Variants in OGFRL1 observed in about 807,000 individuals in gnomAD.
The protein encoded by OGFRL1 is opioid growth factor receptor-like protein 1.
In OGFRL1, 26 loss-of-function variants were observed where a neutral mutation model predicts 32.4. The ratio of observed to expected loss-of-function variants is 0.80; its 90% confidence interval spans 0.59 to 1.11. OGFRL1 has a LOEUF of 1.11. Ranked by LOEUF, OGFRL1 falls within the 50% of genes most tolerant of loss-of-function variation. The probability of loss-of-function intolerance (pLI) is 0.00; values close to 1 mark genes in which losing one functional copy is unlikely to be tolerated. For missense variants in OGFRL1, 521 were observed against 546.4 expected (o/e 0.95, Z 0.46); for synonymous variants, 211 against 201.2 (o/e 1.05, Z -0.41).
chr6:71,299,236 G>A (rs1766309262), intron 6 of OGFRL1, among the ~76,000 whole-genome samples: 1 of 152,070 alleles, frequency 6.6e-6, no homozygotes, highest in Non-Finnish European at 1.5e-5. Context: ...CTTAACCTCT[G>A]TCTGGAACCT....
chr6:71,290,387 A>G (rs1456652733), intron 1 of OGFRL1, among the ~76,000 whole-genome samples: 2 of 152,192 alleles, frequency 1.3e-5, no homozygotes, highest in South Asian at 2.1e-4. Flanking sequence ...AAATTATTAG[A>G]TGCTGCATTC....
intron 3 of OGFRL1, among the ~76,000 whole-genome samples, chr6:71,294,709 A>G (rs1197583446): frequency 6.6e-6 from 1 of 152,214 alleles, no homozygotes; most frequent in Non-Finnish European, 1.5e-5. Context: ...AGTTATATTT[A>G]CTAATGATAG....
At chr6:71,299,024 T>C (rs1766303116) in intron 6 of OGFRL1, among the ~76,000 whole-genome samples, 1 of 152,134 alleles carries the variant, frequency 6.6e-6, no homozygotes, top group Non-Finnish European at 1.5e-5. Context: ...AGGCAAAATA[T>C]TTTCAGACAT....
At chr6:71,291,984 G>A (rs1318491149) in intron 1 of OGFRL1, 1 of 152,124 alleles carries the variant, frequency 6.6e-6, no homozygotes, top group Non-Finnish European at 1.5e-5. Flanking sequence ...CTGATATCTT[G>A]TTTCTAAGAT....
rs1442347981 is a variant in OGFRL1 at position 71,306,846 on chromosome 6, T to G, written c.*4797T>G. On this transcript the variant is annotated 3_prime_UTR_variant, in exon 7 of 7. Transcript: ENST00000370435. ...TTTATGTTTTGCTTCTTCTTAGATG[T>G]AGGCGGATGCAGAAATAGAATTATG... 6.6e-6 allele frequency: 1 copy of G among 152,238 alleles called. No individual in the cohort carries two copies. The highest frequency in any genetic ancestry group is 1.5e-5 in the Non-Finnish European group (1 of 68,032). 9.4% of individuals were successfully genotyped at this position (152,238 alleles called of 1,614,324 possible). A position where few individuals can be genotyped will look rare whatever the true frequency, so the allele number is the denominator to read the frequency against.
chr6:71,298,618 T>C (rs1766287757), intron 6 of OGFRL1, among the ~76,000 whole-genome samples: 1 of 152,180 alleles, frequency 6.6e-6, no homozygotes, highest in African/African-American at 2.4e-5. Context: ...GAAGGGAGCC[T>C]GAACTAAGTC....
At chr6:71,292,562 C>G in intron 1 of OGFRL1, among the ~76,000 whole-genome samples, 1 of 152,268 alleles carries the variant, frequency 6.6e-6, no homozygotes, top group East Asian at 1.9e-4. Context: ...AAAATCAGTT[C>G]ATGGTGATAG....
At chr6:71,292,198 A>T (rs1250202121) in intron 1 of OGFRL1, among the ~76,000 whole-genome samples, 4 of 152,236 alleles carry the variant, frequency 2.6e-5, no homozygotes, top group African/African-American at 9.6e-5. Flanking sequence ...AGGCAGAGCT[A>T]TTTTGAAACG....
At position 71,307,755 on chromosome 6, in the gene OGFRL1, A is replaced by G. The variant is rs1488376150; in HGVS notation, c.*5706A>G. 1 of 152,246 alleles carries G rather than the reference A, an allele frequency of 6.6e-6. No homozygotes were observed. The highest frequency in any genetic ancestry group is 2.4e-5 in the African/African-American group (1 of 41,478). 9.4% of individuals were successfully genotyped at this position (152,246 alleles called of 1,614,324 possible). On this transcript the variant is annotated 3_prime_UTR_variant, in exon 7 of 7. Coordinates refer to ENST00000370435, the MANE Select transcript of OGFRL1 (RefSeq NM_024576.5). ...AGTTTTGGTACTAAGAAACATTTAC[A>G]TTCTACACTCATTAGTCAAATGAAC...
In OGFRL1 at chr6:71,288,935, C is replaced by T. The variant is rs1765945764; in HGVS notation, c.-2C>T. 7.3e-7 allele frequency: 1 copy of T among 1,362,770 alleles called. No individual in the cohort carries two copies. Among genetic ancestry groups the T allele is most frequent in the Non-Finnish European group, 9.6e-7 (1 of 1,041,576 alleles). The allele number at this position is 1,362,770 out of a possible 1,614,324, so 84.4% of individuals were successfully genotyped here. ...AGCCCCGCGCCCGCCGCCGCCTCTT[C>T]AATGGGCAACCTGCTCGGCGGGGTC... On this transcript the variant is annotated 5_prime_UTR_variant, in exon 1 of 7. Transcript: ENST00000370435.
At position 71,288,824 on chromosome 6, in the gene OGFRL1, C is replaced by T. The variant is rs889583991; in HGVS notation, c.-113C>T. ...CCGCGCTGAGGCAGTGCGGGGCGGG[C>T]GCGCCTAGGCTGCCGCCCAGCGCCC... On this transcript the variant is annotated 5_prime_UTR_variant, in exon 1 of 7. Coordinates refer to ENST00000370435, the MANE Select transcript of OGFRL1 (RefSeq NM_024576.5). 15 of 740,484 alleles carry T rather than the reference C, an allele frequency of 2.0e-5. No homozygotes were observed. Among genetic ancestry groups the T allele is most frequent in the Non-Finnish European group, 2.2e-5 (13 of 601,468 alleles). 45.9% of individuals were successfully genotyped at this position (740,484 alleles called of 1,614,324 possible).
intron 1 of OGFRL1, among the ~76,000 whole-genome samples, chr6:71,290,718 G>A (rs1249355448): frequency 1.3e-5 from 2 of 152,118 alleles, no homozygotes; most frequent in East Asian, 3.9e-4. Context: ...GGTAATACTG[G>A]AGCTACTTTT....
intron 6 of OGFRL1, 67 bp from the exon 7 acceptor site, chr6:71,301,319 A>C: frequency 7.7e-7 from 1 of 1,301,334 alleles, no homozygotes; most frequent in Non-Finnish European, 1.1e-6. Context: ...TTTTCCCAAT[A>C]GTTTTCATTC....
chr6:71,298,683 G>A (rs1348602372), intron 6 of OGFRL1, among the ~76,000 whole-genome samples: 1 of 152,120 alleles, frequency 6.6e-6, no homozygotes, highest in Admixed American at 6.6e-5. Flanking sequence ...TCAGCATAGA[G>A]CTTTTCCAGC....
intron 1 of OGFRL1, among the ~76,000 whole-genome samples, chr6:71,292,950 C>A (rs923733120): frequency 1.3e-5 from 2 of 152,130 alleles, no homozygotes; most frequent in Non-Finnish European, 2.9e-5. Flanking sequence ...GAATCACTTG[C>A]ATAATCATCT....
Position 71,296,476 on chromosome 6 carries a change from A to AT in OGFRL1, c.480-12dup, listed in dbSNP as rs759871807. On this transcript the variant is annotated intron_variant, in intron 4 of 6. Transcript: ENST00000370435. Reference sequence around the variant, plus strand: ...CAGACAACGTTAATAGAAAAATTTTATTTTTTTAAAATAAATAGGCTTTTC... The same window carrying AT: ...CAGACAACGTTAATAGAAAAATTTTATTTTTTTTAAAATAAATAGGCTTTTC... 6 of 1,596,210 alleles carry AT rather than the reference A, an allele frequency of 3.8e-6. No individual in the cohort carries two copies. Among genetic ancestry groups the AT allele is most frequent in the South Asian group, 1.1e-5 (1 of 88,048 alleles).
At chr6:71,290,272 A>G (rs991714233) in intron 1 of OGFRL1, among the ~76,000 whole-genome samples, 4 of 152,152 alleles carry the variant, frequency 2.6e-5, no homozygotes, top group Admixed American at 6.5e-5. Flanking sequence ...ACCCAAGTCT[A>G]TCTATCACTG....
At chr6:71,297,396 A>G (rs564514547) in intron 6 of OGFRL1, among the ~76,000 whole-genome samples, 7 of 152,276 alleles carry the variant, frequency 4.6e-5, no homozygotes, top group Non-Finnish European at 7.4e-5. Context: ...ACATTTTAAC[A>G]TAGTTTATTT....
chr6:71,296,883 A>G (rs1382597790), intron 6 of OGFRL1, 66 bp downstream of exon 6: 4 of 1,537,070 alleles, frequency 2.6e-6, no homozygotes, highest in African/African-American at 1.4e-5. Flanking sequence ...AGAGTTCTCT[A>G]TGAAACGCAG....
Sources: allele counts gnomAD v4.1 joint callset (sites outside exome capture counted in the v4.1 genomes callset), GRCh38; gene constraint gnomAD v4.1.1; transcripts MANE v1.5; gene names NCBI Gene and HGNC (gene_info 2026-07-23, HGNC 2026-07-21).